Variants in MBOAT1 observed in about 807,000 individuals in gnomAD.
MBOAT1 encodes membrane-bound glycerophospholipid O-acyltransferase 1.
A neutral mutation model predicts 64.4 loss-of-function variants in MBOAT1; 67 were observed. The observed-to-expected ratio is 1.04, with a 90% CI of 0.85 to 1.27. MBOAT1 has a LOEUF of 1.27. Among genes scored for constraint, MBOAT1 ranks in the 50% most tolerant of loss-of-function variants. The pLI, the probability that MBOAT1 is intolerant of heterozygous loss-of-function variation, is 0.00. For synonymous variants in MBOAT1, 229 were observed against 218.9 expected (o/e 1.05, Z -0.41); for missense variants, 563 against 604.6 (o/e 0.93, Z 0.72).
At chr6:20,140,319 A>G (rs1581417353) in intron 4 of MBOAT1, among the ~76,000 whole-genome samples, 1 of 152,218 alleles carries the variant, frequency 6.6e-6, no homozygotes, top group East Asian at 1.9e-4. Context: ...TCACATTCAC[A>G]TATAATCAGC....
chr6:20,192,841 G>C (rs1460315931), intron 1 of MBOAT1, among the ~76,000 whole-genome samples: 1 of 152,118 alleles, frequency 6.6e-6, no homozygotes, highest in Non-Finnish European at 1.5e-5. Context: ...TCCAGGCCTA[G>C]ATCCCAGCTC....
At chr6:20,211,638 C>G (rs1763421840) in intron 1 of MBOAT1, among the ~76,000 whole-genome samples, 3 of 152,130 alleles carry the variant, frequency 2.0e-5, no homozygotes, top group Non-Finnish European at 4.4e-5. Flanking sequence ...GCATCACACA[C>G]GGTACAAAAT....
chr6:20,184,329 G>C (rs1762588904), intron 1 of MBOAT1, among the ~76,000 whole-genome samples: 1 of 152,158 alleles, frequency 6.6e-6, no homozygotes, highest in South Asian at 2.1e-4. Flanking sequence ...TCCCCATGCA[G>C]ATGGGGTTGG....
intron 3 of MBOAT1, among the ~76,000 whole-genome samples, chr6:20,144,788 C>T (rs1313841166): frequency 6.6e-6 from 1 of 152,210 alleles, no homozygotes; most frequent in Non-Finnish European, 1.5e-5. Context: ...CTTCCATTCT[C>T]CTGTTTTCTT....
intron 3 of MBOAT1, among the ~76,000 whole-genome samples, chr6:20,148,163 T>C (rs1561763422): frequency 6.6e-6 from 1 of 152,228 alleles, no homozygotes; most frequent in South Asian, 2.1e-4. Flanking sequence ...CTCATGCTTA[T>C]AATCCCAGCA....
At chr6:20,163,287 C>CT (rs1383071426) in intron 1 of MBOAT1, among the ~76,000 whole-genome samples, 13 of 152,196 alleles carry the variant, frequency 8.5e-5, no homozygotes, top group African/African-American at 3.1e-4. Context: ...CACAAGCACG[C>CT]TGTTACTCCT....
chr6:20,195,428 A>G (rs987123957), intron 1 of MBOAT1, among the ~76,000 whole-genome samples: 1 of 152,170 alleles, frequency 6.6e-6, no homozygotes, highest in African/African-American at 2.4e-5. Flanking sequence ...ACCATATAAA[A>G]TGTTCTAGGT....
Position 20,112,995 on chromosome 6 carries a change from G to A in MBOAT1, c.1090C>T (p.Arg364Trp), listed in dbSNP as rs773271078. ...ATWLKCVCYQ[R>W]VPWYPTVLTF... ...AGCACCGTGGGGTACCATGGAACCCGCTGATAGCACACACTGTGAAGAGAG... is the reference window on the plus strand; with the variant it reads ...AGCACCGTGGGGTACCATGGAACCCACTGATAGCACACACTGTGAAGAGAG... The change falls in exon 11 of 13, where the codon CGG (arginine) becomes TGG (tryptophan). Residue 364 changes from arginine (R) to tryptophan (W), a missense_variant. Arg to Trp is a moderately radical substitution (Grantham distance 101). Coordinates refer to ENST00000324607, the MANE Select transcript of MBOAT1 (RefSeq NM_001080480.3). The A allele has an allele frequency of 1.2e-5, 20 of 1,613,654 alleles. No homozygotes were observed. Among genetic ancestry groups the A allele is most frequent in the Admixed American group, 1.2e-4 (7 of 59,938 alleles).
At chr6:20,168,673 G>A (rs1762101372) in intron 1 of MBOAT1, among the ~76,000 whole-genome samples, 17 of 135,920 alleles carry the variant, frequency 1.3e-4, no homozygotes, top group Non-Finnish European at 1.9e-4. Flanking sequence ...GAGAAAGAGA[G>A]AGAGAAGGAG....
At chr6:20,203,939 C>A (rs1186362467) in intron 1 of MBOAT1, among the ~76,000 whole-genome samples, 1 of 152,202 alleles carries the variant, frequency 6.6e-6, no homozygotes, top group Non-Finnish European at 1.5e-5. Context: ...CTTCTGCTTT[C>A]TTCAGCCTTT....
At chr6:20,132,443 A>G (rs1283743819) in intron 4 of MBOAT1, among the ~76,000 whole-genome samples, 2 of 152,246 alleles carry the variant, frequency 1.3e-5, no homozygotes, top group East Asian at 3.8e-4. Context: ...AAGCCATCAA[A>G]TAAAAATTTG....
At chr6:20,163,890 A>G (rs981560461) in intron 1 of MBOAT1, among the ~76,000 whole-genome samples, 2 of 152,058 alleles carry the variant, frequency 1.3e-5, no homozygotes, top group Non-Finnish European at 2.9e-5. Context: ...AGTGAGGGGC[A>G]CACACTGCTG....
At chr6:20,172,152 G>C (rs973611143) in intron 1 of MBOAT1, among the ~76,000 whole-genome samples, 1 of 151,832 alleles carries the variant, frequency 6.6e-6, no homozygotes, top group Non-Finnish European at 1.5e-5. Flanking sequence ...TGATTCCTAG[G>C]GTCCAGGTGC....
At position 20,177,309 on chromosome 6, in the gene MBOAT1, C is replaced by T. The variant is rs886365958; in HGVS notation, c.100-24540G>A. 2.0e-5 allele frequency among the ~76,000 whole-genome samples: 3 copies of T among 152,248 alleles called. No homozygotes were observed. In the East Asian group the frequency reaches 5.8e-4, roughly 29 times the overall value. On this transcript the variant is annotated intron_variant, in intron 1 of 12. Transcript: ENST00000324607. ...ATCTATTTCAAAACCCACCAAGGTC[C>T]GCAGATACGGACAATAAAGTGAAGC...
At chr6:20,208,158 T>C (rs962054030) in intron 1 of MBOAT1, among the ~76,000 whole-genome samples, 2 of 152,050 alleles carry the variant, frequency 1.3e-5, no homozygotes, top group African/African-American at 2.4e-5. Context: ...TAAAGAAACT[T>C]TGTAGTCGGC....
intron 1 of MBOAT1, among the ~76,000 whole-genome samples, chr6:20,164,538 C>T (rs1263256317): frequency 6.6e-6 from 1 of 152,120 alleles, no homozygotes; most frequent in Non-Finnish European, 1.5e-5. Flanking sequence ...TGGAATCAAC[C>T]AAAGATCTGT....
At chr6:20,163,692 G>A (rs1581435842) in intron 1 of MBOAT1, among the ~76,000 whole-genome samples, 1 of 152,230 alleles carries the variant, frequency 6.6e-6, no homozygotes, top group South Asian at 2.1e-4. Flanking sequence ...GACCTGGCCT[G>A]GGTCACACAG....
rs1363588150 is a variant in MBOAT1, at chr6:20,100,850, C to T, written c.*1436G>A. ...TTATTATTATCATCATTATTATTTT[C>T]CACAACATTTAATACCAAGTTTCCT... On this transcript the variant is annotated 3_prime_UTR_variant, in exon 13 of 13. Coordinates refer to ENST00000324607, the MANE Select transcript of MBOAT1 (RefSeq NM_001080480.3). 2.0e-5 allele frequency among the ~76,000 whole-genome samples: 3 copies of T among 152,156 alleles called. No individual in the cohort carries two copies. The highest frequency in any genetic ancestry group is 2.0e-4 in the Admixed American group (3 of 15,280).
intron 1 of MBOAT1, among the ~76,000 whole-genome samples, chr6:20,194,585 A>G (rs1351108179): frequency 6.6e-6 from 1 of 152,184 alleles, no homozygotes; most frequent in African/African-American, 2.4e-5. Flanking sequence ...ACCACATCAT[A>G]TTAAGGGTAA....
Sources: allele counts gnomAD v4.1 joint callset (sites outside exome capture counted in the v4.1 genomes callset), GRCh38; gene constraint gnomAD v4.1.1; transcripts MANE v1.5; gene names NCBI Gene and HGNC (gene_info 2026-07-23, HGNC 2026-07-21).